Variants in PLVAP observed in about 807,000 individuals in gnomAD.
PLVAP encodes the protein plasmalemma vesicle associated protein.
In PLVAP, 34 loss-of-function variants were observed where a neutral mutation model predicts 43.1. The ratio of observed to expected loss-of-function variants is 0.79; its 90% CI spans 0.60 to 1.05. The LOEUF (loss-of-function observed/expected upper bound fraction) is 1.05. Ranked by LOEUF, PLVAP falls within the 50% of genes least tolerant of loss-of-function variation. PLVAP has a pLI of 0.00. For synonymous variants in PLVAP, 241 were observed against 237.3 expected (o/e 1.02, Z -0.14); for missense variants, 574 against 593.4 (o/e 0.97, Z 0.34).
At chr19:17,359,638 C>T (rs2074519902) in intron 5 of PLVAP, among the ~76,000 whole-genome samples, 1 of 151,480 alleles carries the variant, frequency 6.6e-6, no homozygotes, top group Admixed American at 6.6e-5. Flanking sequence ...CTCTTGACCT[C>T]ATGATCCGCC....
chr19:17,365,737 TC>T lies in PLVAP; in HGVS notation c.727del (p.Asp243ThrfsTer37). 1 of 1,613,792 alleles carries T rather than the reference TC, an allele frequency of 6.2e-7. No individual in the cohort carries two copies. Among genetic ancestry groups the T allele is most frequent in the Non-Finnish European group, 8.5e-7 (1 of 1,179,984 alleles). On this transcript the variant is annotated frameshift_variant, in exon 3 of 6. Coordinates refer to ENST00000252590, the MANE Select transcript of PLVAP (RefSeq NM_031310.3). LOFTEE classifies it high-confidence loss of function. ...FEMDLRNLWRDSIIPRSLDNL... is the reference protein window; with the variant it reads ...FEMDLRNLWRXSIIPRSLDNL... ...GTCCAGGCTGCGTGGGATAATGGAGTCCCTCCACAGGTTACGAAGGTCCATC... is the reference window on the plus strand; with the variant it reads ...GTCCAGGCTGCGTGGGATAATGGAGTCCTCCACAGGTTACGAAGGTCCATC...
At chr19:17,366,060 G>T in intron 2 of PLVAP, 39 bp downstream of exon 2, 1 of 1,612,996 alleles carries the variant, frequency 6.2e-7, no homozygotes, top group African/African-American at 1.3e-5. Flanking sequence ...ACTGGGCAGG[G>T]AGTCCACCAC....
intron 1 of PLVAP, among the ~76,000 whole-genome samples, chr19:17,373,568 C>G (rs2074583128): frequency 1.3e-5 from 2 of 152,058 alleles, no homozygotes; most frequent in African/African-American, 4.8e-5. Context: ...GCCTCTTCAG[C>G]CTTCCCTCAC....
intron 5 of PLVAP, among the ~76,000 whole-genome samples, chr19:17,357,500 CA>C (rs1292799899): frequency 2.0e-5 from 3 of 151,460 alleles, no homozygotes; most frequent in Non-Finnish European, 4.4e-5. Context: ...CCTGTCTCTA[CA>C]AAAAAATAAC....
intron 5 of PLVAP, among the ~76,000 whole-genome samples, chr19:17,358,126 T>G (rs1291424945): frequency 6.6e-5 from 10 of 152,100 alleles, no homozygotes. Context: ...GCGGGGAATC[T>G]CCTCCTCACC....
chr19:17,367,683 C>A lies in PLVAP; in HGVS notation c.370-1488G>T, dbSNP rs184941534. Among the ~76,000 whole-genome samples, 7 of 152,126 alleles carry A rather than the reference C, an allele frequency of 4.6e-5. No homozygotes were observed. In the East Asian group the frequency reaches 1.4e-3, roughly 29 times the overall value. ...GGATTACAGGCGTGAGCCACCATGC[C>A]CAGCCTTAAATTTGTTTTTGTAGAG... is the stretch of plus-strand genomic sequence containing the variant. On this transcript the variant is annotated intron_variant, in intron 1 of 5. Transcript: ENST00000252590.
At chr19:17,357,739 C>T (rs571409796) in intron 5 of PLVAP, among the ~76,000 whole-genome samples, 38 of 152,302 alleles carry the variant, frequency 2.5e-4, no homozygotes, top group Non-Finnish European at 4.9e-4. Context: ...AGCAGACAGC[C>T]CCAGCCCACT....
chr19:17,374,779 C>A (rs2074588020), intron 1 of PLVAP, among the ~76,000 whole-genome samples: 1 of 151,330 alleles, frequency 6.6e-6, no homozygotes, highest in Non-Finnish European at 1.5e-5. Context: ...GCATGTGCCA[C>A]CATGCCTGAC....
rs373248961 is a variant in PLVAP, at chr19:17,368,140, C to T, written c.370-1945G>A. ...AGGCTGGAGTGCAATGGCATGATCT[C>T]GGCTCACTGCAACCTCCACCTCCCG... On this transcript the variant is annotated intron_variant, in intron 1 of 5. Transcript: ENST00000252590. 3.9e-4 allele frequency among the ~76,000 whole-genome samples: 57 copies of T among 146,338 alleles called. 1 individual carries two copies. The South Asian group carries it at 0.012, about 31-fold the overall frequency.
chr19:17,368,986 A>AAAAC (rs900756292), intron 1 of PLVAP, among the ~76,000 whole-genome samples: 2 of 152,038 alleles, frequency 1.3e-5, no homozygotes, highest in South Asian at 2.1e-4. Flanking sequence ...CCGTCTCAAA[A>AAAAC]AAACAAACAA....
intron 5 of PLVAP, among the ~76,000 whole-genome samples, chr19:17,355,532 T>A (rs1297791091): frequency 1.4e-5 from 2 of 147,648 alleles, no homozygotes; most frequent in Admixed American, 6.8e-5. Context: ...CTGGTTAATT[T>A]TTTTTTTTTT....
At position 17,377,053 on chromosome 19, in the gene PLVAP, G is replaced by A. The variant is rs1341221728; in HGVS notation, c.236C>T (p.Ala79Val). The A allele has an allele frequency of 5.0e-6, 8 of 1,614,048 alleles. No individual in the cohort carries two copies. Among genetic ancestry groups the A allele is most frequent in the Non-Finnish European group, 6.8e-6 (8 of 1,180,044 alleles). ...GLYSQLLGLT[A>V]SQSNLTKELN... The stretch of plus-strand genomic sequence containing the variant: ...CTCCTTGGTCAAGTTGGACTGGGAG[G>A]CCGTGAGCCCTAGGAGCTGACTGTA... The change falls in exon 1 of 6, where the codon GCC becomes GTC. Residue 79 changes from alanine to valine, a missense_variant. Physicochemically the swap from Ala to Val is moderately conservative, Grantham distance 64 (BLOSUM62 0). Transcript: ENST00000252590.
chr19:17,359,718 A>C (rs1165874745), intron 5 of PLVAP, among the ~76,000 whole-genome samples: 2 of 55,834 alleles, frequency 3.6e-5, no homozygotes, highest in African/African-American at 5.9e-5. Flanking sequence ...TTTCTGACAC[A>C]GTCTCACTCT....
intron 5 of PLVAP, among the ~76,000 whole-genome samples, chr19:17,358,691 C>T (rs1034793906): frequency 2.0e-5 from 3 of 152,194 alleles, no homozygotes; most frequent in African/African-American, 7.2e-5. Flanking sequence ...TGAGCGTGTG[C>T]CAGGAGCCCT....
At chr19:17,372,365 C>T (rs552134546) in intron 1 of PLVAP, among the ~76,000 whole-genome samples, 6 of 150,248 alleles carry the variant, frequency 4.0e-5, no homozygotes, top group South Asian at 2.1e-4. Flanking sequence ...GCTGAGATTG[C>T]GCCACTGCAA....
chr19:17,370,161 G>A (rs919972326), intron 1 of PLVAP, among the ~76,000 whole-genome samples: 1 of 152,126 alleles, frequency 6.6e-6, no homozygotes, highest in African/African-American at 2.4e-5. Flanking sequence ...GTGTTGATGA[G>A]GATGTGGGGA....
At chr19:17,373,730 G>T (rs1422653441) in intron 1 of PLVAP, among the ~76,000 whole-genome samples, 2 of 152,120 alleles carry the variant, frequency 1.3e-5, no homozygotes, top group East Asian at 1.9e-4. Flanking sequence ...ACAAGCCGGG[G>T]TGCGAGAGTG....
chr19:17,371,137 A>G (rs1236148788), intron 1 of PLVAP, among the ~76,000 whole-genome samples: 1 of 151,970 alleles, frequency 6.6e-6, no homozygotes, highest in Non-Finnish European at 1.5e-5. Context: ...TTATATATCA[A>G]TAAAGCTGTT....
At chr19:17,368,167 G>A (rs1338153235) in intron 1 of PLVAP, among the ~76,000 whole-genome samples, 2 of 149,486 alleles carry the variant, frequency 1.3e-5, no homozygotes, top group African/African-American at 5.0e-5. Flanking sequence ...CACCTCCCGA[G>A]TTCAAGTGAT....
Sources: gnomAD v4.1 joint callset for allele counts (sites outside exome capture counted in the v4.1 genomes callset) on GRCh38, gnomAD v4.1.1 for gene constraint, MANE v1.5 for transcripts, NCBI Gene and HGNC (gene_info 2026-07-23, HGNC 2026-07-21) for gene names.